Variants in SEMA5A observed in about 807,000 individuals in gnomAD.
SEMA5A encodes semaphorin-5A.
Under a neutral mutation model 135.5 loss-of-function variants are expected in SEMA5A, and 55 were observed. The ratio of observed to expected loss-of-function variants is 0.41; its 90% CI spans 0.33 to 0.51. SEMA5A has a LOEUF of 0.51. Ranked by LOEUF, SEMA5A falls within the 20% of genes least tolerant of loss-of-function variation. SEMA5A has a pLI of 0.37. For synonymous variants in SEMA5A, 580 were observed against 546.5 expected (o/e 1.06, Z -0.85); for missense variants, 1,290 against 1,419.9 (o/e 0.91, Z 1.47).
chr5:9,276,884 T>C (rs1750291340), intron 5 of SEMA5A, among the ~76,000 whole-genome samples: 1 of 152,142 alleles, frequency 6.6e-6, no homozygotes, highest in Admixed American at 6.5e-5. Flanking sequence ...GGCAATACCA[T>C]GCAGGACATA....
At chr5:9,426,424 C>T (rs1398868944) in intron 2 of SEMA5A, among the ~76,000 whole-genome samples, 5 of 30,002 alleles carry the variant, frequency 1.7e-4, no homozygotes, top group Non-Finnish European at 3.6e-4. Flanking sequence ...GACTCCATCT[C>T]AAAAAAATAA....
intron 5 of SEMA5A, among the ~76,000 whole-genome samples, chr5:9,284,162 T>A (rs960390440): frequency 1.3e-5 from 2 of 151,632 alleles, no homozygotes; most frequent in African/African-American, 2.4e-5. Flanking sequence ...TGTGCCAAAT[T>A]TTTTTCTTGA....
chr5:9,389,279 G>A (rs765014140), intron 2 of SEMA5A, among the ~76,000 whole-genome samples: 8 of 152,176 alleles, frequency 5.3e-5, no homozygotes, highest in African/African-American at 1.9e-4. Flanking sequence ...CCATCTACAC[G>A]TTCTCAGAGG....
At chr5:9,371,338 C>A (rs1335984534) in intron 3 of SEMA5A, among the ~76,000 whole-genome samples, 1 of 152,056 alleles carries the variant, frequency 6.6e-6, no homozygotes. Flanking sequence ...ACAACAGGGA[C>A]CCTCTCAGGT....
rs150848736 is a variant in SEMA5A at position 9,154,474 on chromosome 5, C to T, written c.1481+14G>A. The T allele has an allele frequency of 7.3e-4, 1,172 of 1,611,234 alleles. 24 individuals are homozygous for T. In the East Asian group the frequency reaches 0.024, roughly 32 times the overall value. On this transcript the variant is annotated intron_variant, in intron 12 of 22. Coordinates refer to ENST00000382496, the MANE Select transcript of SEMA5A (RefSeq NM_003966.3). ...CACACACACCAGTGCATCCTGACCC[C>T]GGAGATGCCCTACCTGCGTGTGCGG...
At chr5:9,108,086 G>T in intron 16 of SEMA5A, 54 bp downstream of exon 16, 1 of 1,583,902 alleles carries the variant, frequency 6.3e-7, no homozygotes, top group Non-Finnish European at 8.6e-7. Context: ...TGTGTATTGA[G>T]TCTGTATTCC....
intron 21 of SEMA5A, among the ~76,000 whole-genome samples, chr5:9,048,818 G>T (rs996513060): frequency 6.6e-6 from 1 of 152,134 alleles, no homozygotes; most frequent in Non-Finnish European, 1.5e-5. Context: ...ACATTAGAGG[G>T]TACTAATTGG....
chr5:9,162,670 G>A (rs1240194531), intron 11 of SEMA5A, among the ~76,000 whole-genome samples: 1 of 150,994 alleles, frequency 6.6e-6, no homozygotes, highest in Non-Finnish European at 1.5e-5. Context: ...CATTCTTGGG[G>A]AGACTATGAG....
intron 9 of SEMA5A, among the ~76,000 whole-genome samples, chr5:9,199,484 C>T (rs139459527): frequency 1.8e-3 from 277 of 152,306 alleles, no homozygotes; most frequent in African/African-American, 6.4e-3. Flanking sequence ...TCTTCAGGGT[C>T]TCCAGACCTG....
intron 2 of SEMA5A, among the ~76,000 whole-genome samples, chr5:9,387,067 G>A (rs537727589): frequency 2.0e-5 from 3 of 152,328 alleles, no homozygotes; most frequent in East Asian, 3.9e-4. Flanking sequence ...CAGTGCATGT[G>A]AGATCAAAGG....
intron 1 of SEMA5A, among the ~76,000 whole-genome samples, chr5:9,502,038 C>T (rs1735624544): frequency 6.6e-6 from 1 of 151,998 alleles, no homozygotes; most frequent in Non-Finnish European, 1.5e-5. Flanking sequence ...TGAAGGCTAC[C>T]ACAGAAACCT....
intron 16 of SEMA5A, among the ~76,000 whole-genome samples, chr5:9,099,510 A>C (rs1739507250): frequency 6.6e-6 from 1 of 152,224 alleles, no homozygotes; most frequent in South Asian, 2.1e-4. Context: ...ATGCAATGGA[A>C]GAGTTCAGGT....
chr5:9,521,263 A>G (rs1351840153), intron 1 of SEMA5A, among the ~76,000 whole-genome samples: 2 of 152,228 alleles, frequency 1.3e-5, no homozygotes, highest in Admixed American at 1.3e-4. Flanking sequence ...TTAAAAAATT[A>G]GCCGGGCGTG....
chr5:9,231,238 A>C (rs1259561205), intron 6 of SEMA5A, among the ~76,000 whole-genome samples: 2 of 152,104 alleles, frequency 1.3e-5, no homozygotes, highest in African/African-American at 4.8e-5. Flanking sequence ...ACGCCAAGGC[A>C]GGCAGATCAC....
chr5:9,342,012 A>G (rs1753675417), intron 3 of SEMA5A, among the ~76,000 whole-genome samples: 5 of 152,088 alleles, frequency 3.3e-5, no homozygotes, highest in Non-Finnish European at 1.5e-5. Flanking sequence ...AGTATTAATA[A>G]TTTGGTCCAA....
chr5:9,507,295 G>T (rs1460462004), intron 1 of SEMA5A, among the ~76,000 whole-genome samples: 1 of 152,156 alleles, frequency 6.6e-6, no homozygotes, highest in Non-Finnish European at 1.5e-5. Context: ...AGATTTACAT[G>T]TTAACTAGTT....
chr5:9,141,118 A>G (rs910046908), intron 12 of SEMA5A, among the ~76,000 whole-genome samples: 1 of 152,216 alleles, frequency 6.6e-6, no homozygotes, highest in African/African-American at 2.4e-5. Context: ...TAATTTCCTC[A>G]TGCAAAATAT....
At chr5:9,353,164 G>GGAAAGGAAAGGAAA (rs1754244880) in intron 3 of SEMA5A, among the ~76,000 whole-genome samples, 6 of 29,338 alleles carry the variant, frequency 2.0e-4, no homozygotes, top group African/African-American at 7.5e-4. Context: ...AAGGAAAGGA[G>GGAAAGGAAAGGAAA]GGAAAGGAAG....
chr5:9,197,316 G>GGC lies in SEMA5A; in HGVS notation c.933-14_933-13insGC. On this transcript the variant is annotated splice_polypyrimidine_tract_variant and intron_variant, in intron 9 of 22. Coordinates refer to ENST00000382496, the MANE Select transcript of SEMA5A (RefSeq NM_003966.3). ...CGCAATGCTGTTCCTGGGAGCGGAG[G>GGC]GAGAGAGAGAAGGCAGTCAGAGAGC... 1 of 1,585,964 alleles carries GGC rather than the reference G, an allele frequency of 6.3e-7. No individual in the cohort carries two copies. The highest frequency in any genetic ancestry group is 8.6e-7 in the Non-Finnish European group (1 of 1,168,704).
Sources: gnomAD v4.1 joint callset for allele counts (sites outside exome capture counted in the v4.1 genomes callset) on GRCh38, gnomAD v4.1.1 for gene constraint, MANE v1.5 for transcripts, NCBI Gene and HGNC (gene_info 2026-07-23, HGNC 2026-07-21) for gene names.